The following CA8 variants were observed in gnomAD, a reference collection of about 807,000 sequenced individuals.
The protein encoded by CA8 is carbonic anhydrase-related protein.
In CA8, 22 loss-of-function variants were observed where a neutral mutation model predicts 41.4. The ratio of observed to expected loss-of-function variants is 0.53; its 90% CI spans 0.38 to 0.76. The LOEUF (loss-of-function observed/expected upper bound fraction) is 0.76. Among genes scored for constraint, CA8 ranks in the 30% least tolerant of loss-of-function variants. The pLI is 0.00. For missense variants in CA8, 270 were observed against 352.8 expected, an observed-to-expected ratio of 0.77 and a Z score of 1.88; for synonymous variants, 121 against 130.6, an observed-to-expected ratio of 0.93 and a Z score of 0.50.
chr8:60,258,592 T>C (rs1029249423), intron 3 of CA8, among the ~76,000 whole-genome samples: 3 of 152,196 alleles, frequency 2.0e-5, no homozygotes, highest in Admixed American at 6.5e-5. Context: ...ACTTTATTTC[T>C]ATTATTATTA....
intron 3 of CA8, among the ~76,000 whole-genome samples, chr8:60,262,805 G>C (rs904240667): frequency 6.6e-6 from 1 of 152,240 alleles, no homozygotes; most frequent in Non-Finnish European, 1.5e-5. Flanking sequence ...ATGATAAGCA[G>C]TGTGTCAGAT....
chr8:60,236,976 A>T (rs1807851566), intron 3 of CA8, among the ~76,000 whole-genome samples: 1 of 152,194 alleles, frequency 6.6e-6, no homozygotes, highest in South Asian at 2.1e-4. Flanking sequence ...GACAGCTATT[A>T]TCAGCAGAGA....
chr8:60,234,615 A>G (rs1807767084), intron 3 of CA8, among the ~76,000 whole-genome samples: 2 of 152,238 alleles, frequency 1.3e-5, no homozygotes, highest in Non-Finnish European at 2.9e-5. Context: ...AGCCAACCCA[A>G]GCTAACAAGG....
intron 8 of CA8, among the ~76,000 whole-genome samples, chr8:60,197,235 T>C (rs1806305808): frequency 6.6e-6 from 1 of 152,156 alleles, no homozygotes; most frequent in Admixed American, 6.6e-5. Flanking sequence ...AAGCAATGTA[T>C]GTAAAACCAT....
At chr8:60,256,516 C>G (rs1808645114) in intron 3 of CA8, among the ~76,000 whole-genome samples, 1 of 152,126 alleles carries the variant, frequency 6.6e-6, no homozygotes, top group African/African-American at 2.4e-5. Context: ...TATTCAAGCA[C>G]AGCAAAGCAG....
chr8:60,270,098 C>T (rs377517338), intron 2 of CA8, among the ~76,000 whole-genome samples: 2 of 152,338 alleles, frequency 1.3e-5, no homozygotes, highest in African/African-American at 4.8e-5. Flanking sequence ...AGGAGACATG[C>T]AGCCTATGCT....
intron 3 of CA8, among the ~76,000 whole-genome samples, chr8:60,252,081 C>G (rs1808473609): frequency 6.6e-6 from 1 of 151,970 alleles, no homozygotes; most frequent in Non-Finnish European, 1.5e-5. Context: ...ACTCAATATT[C>G]CTTATCTTTA....
At chr8:60,255,908 AT>A (rs35554184) in intron 3 of CA8, among the ~76,000 whole-genome samples, 4,874 of 143,198 alleles carry the variant, frequency 0.034, 179 homozygotes, top group African/African-American at 0.1. Context: ...TACGCTATTA[AT>A]TTTTTTTTTT....
At chr8:60,215,680 G>A (rs955884892) in intron 7 of CA8, among the ~76,000 whole-genome samples, 3 of 152,040 alleles carry the variant, frequency 2.0e-5, no homozygotes, top group Non-Finnish European at 2.9e-5. Context: ...ATGCTAACCA[G>A]GAATAATATG....
At chr8:60,258,557 T>C (rs1282920270) in intron 3 of CA8, among the ~76,000 whole-genome samples, 1 of 152,144 alleles carries the variant, frequency 6.6e-6, no homozygotes, top group African/African-American at 2.4e-5. Context: ...TTCAGGATGA[T>C]TCAAGTGCAT....
intron 2 of CA8, among the ~76,000 whole-genome samples, chr8:60,276,030 A>T (rs901477315): frequency 6.6e-6 from 1 of 152,244 alleles, no homozygotes; most frequent in African/African-American, 2.4e-5. Context: ...AGACACTTAC[A>T]GACACATAGG....
intron 8 of CA8, among the ~76,000 whole-genome samples, chr8:60,198,264 G>C (rs139244473): frequency 6.6e-6 from 1 of 152,000 alleles, no homozygotes; most frequent in Admixed American, 6.6e-5. Flanking sequence ...TAAAAATACC[G>C]GTCTCATAGG....
Position 60,208,771 on chromosome 8 carries a change from C to G in CA8, c.*14G>C. The G allele has an allele frequency of 6.2e-7, 1 of 1,614,110 alleles. No homozygotes were observed. ...ATACCCTCATGAAGACAGACTTGTT[C>G]CTGTCCTCTTTGGCTACTGAAATGC... On this transcript the variant is annotated 3_prime_UTR_variant, in exon 8 of 9. Transcript: ENST00000317995.
At chr8:60,271,761 C>T (rs906684255) in intron 2 of CA8, among the ~76,000 whole-genome samples, 2 of 152,180 alleles carry the variant, frequency 1.3e-5, no homozygotes, top group Admixed American at 1.3e-4. Flanking sequence ...CAAGTGTGGG[C>T]AGTCTCACAC....
chr8:60,187,116 G>C lies in CA8; in HGVS notation c.*2905C>G. On this transcript the variant is annotated 3_prime_UTR_variant, in exon 9 of 9. Transcript: ENST00000317995. ...CAAACCTCGATAAATTTAAGACTGA[G>C]ATCATATAAAGTATGTTTTCTGATC... 6.6e-6 allele frequency among the ~76,000 whole-genome samples: 1 copy of C among 151,866 alleles called. No homozygotes were observed. Among genetic ancestry groups the C allele is most frequent in the East Asian group, 1.9e-4 (1 of 5,184 alleles).
rs147237820 is a variant in CA8 at position 60,209,224 on chromosome 8, G to A, written c.739-305C>T. ...ATACAGGCCGGGCACAGTGGCTCACGCCTGTAATCCCATCACTTTGGGTGG... is the reference window on the plus strand; with the variant it reads ...ATACAGGCCGGGCACAGTGGCTCACACCTGTAATCCCATCACTTTGGGTGG... On this transcript the variant is annotated intron_variant, in intron 7 of 8. Transcript: ENST00000317995. Among the ~76,000 whole-genome samples, 5,438 of 152,218 alleles carry A rather than the reference G, an allele frequency of 0.036. 321 individuals carry two copies. Among genetic ancestry groups the A allele is most frequent in the African/African-American group, 0.12 (5,078 of 41,522 alleles).
chr8:60,199,402 C>T (rs772332224), intron 8 of CA8, among the ~76,000 whole-genome samples: 1 of 152,036 alleles, frequency 6.6e-6, no homozygotes, highest in Non-Finnish European at 1.5e-5. Flanking sequence ...CTCCGTGCTC[C>T]TAAGATGTCT....
chr8:60,231,754 T>C (rs1807654339), intron 4 of CA8, among the ~76,000 whole-genome samples: 1 of 152,230 alleles, frequency 6.6e-6, no homozygotes, highest in Admixed American at 6.5e-5. Flanking sequence ...GGTAAATTTA[T>C]ATACTCTTCT....
At chr8:60,232,797 G>A in intron 3 of CA8, 1 of 179,928 alleles carries the variant, frequency 5.6e-6, no homozygotes, top group East Asian at 1.3e-4. Flanking sequence ...ACTTCCATCA[G>A]GAGATGTACA....
Sources: gnomAD v4.1 joint callset for allele counts (sites outside exome capture counted in the v4.1 genomes callset) on GRCh38, gnomAD v4.1.1 for gene constraint, MANE v1.5 for transcripts, NCBI Gene and HGNC (gene_info 2026-07-23, HGNC 2026-07-21) for gene names.